GARIN5A: variants seen among roughly 807,000 people sequenced by gnomAD.
GARIN5A encodes the protein Golgi-associated RAB2 interactor protein 5A.
At chr19:50,471,186 A>G in the GARIN5A span, among the ~76,000 whole-genome samples, 1 of 152,066 alleles carries the variant, frequency 6.6e-6, no homozygotes, top group Non-Finnish European at 1.5e-5. Context: ...GCTGGTCTCC[A>G]ACTCCTGGGC....
chr19:50,474,079 T>G, the GARIN5A span, among the ~76,000 whole-genome samples: 1 of 152,208 alleles, frequency 6.6e-6, no homozygotes, highest in Non-Finnish European at 1.5e-5. Context: ...GGCAGGAGCC[T>G]TGGGTGAGAA....
chr19:50,474,346 A>ATT, the GARIN5A span, among the ~76,000 whole-genome samples: 4 of 124,374 alleles, frequency 3.2e-5, no homozygotes, highest in African/African-American at 6.0e-5. Context: ...CACCTGGCTA[A>ATT]TTTTTTTTTT....
chr19:50,472,762 G>C, the GARIN5A span, among the ~76,000 whole-genome samples: 2,003 of 152,124 alleles, frequency 0.013, 50 homozygotes, highest in African/African-American at 0.046. Context: ...AGGTGTGGGT[G>C]GTGCACACCT....
chr19:50,472,502 A>G, the GARIN5A span, among the ~76,000 whole-genome samples: 1 of 152,032 alleles, frequency 6.6e-6, no homozygotes, highest in Admixed American at 6.6e-5. Flanking sequence ...AGCTTATGAG[A>G]GGGTCATAGC....
chr19:50,468,540 C>T, the GARIN5A span, among the ~76,000 whole-genome samples: 8 of 151,994 alleles, frequency 5.3e-5, no homozygotes, highest in South Asian at 2.1e-4. Flanking sequence ...ATCTTGGAGT[C>T]GCTGTGGACT....
chr19:50,476,819 G>T, the GARIN5A span: 1 of 543,326 alleles, frequency 1.8e-6, no homozygotes, highest in Non-Finnish European at 3.2e-6. Flanking sequence ...CGCAGGAGGG[G>T]CCTCGCCAGT....
chr19:50,468,301 G>T, the GARIN5A span, among the ~76,000 whole-genome samples: 5 of 147,110 alleles, frequency 3.4e-5, no homozygotes, highest in African/African-American at 1.3e-4. Context: ...GGCGGAGGTT[G>T]CAGTGAGCCG....
the GARIN5A span, chr19:50,475,596 A>C: frequency 1.2e-6 from 1 of 829,716 alleles, no homozygotes; most frequent in Non-Finnish European, 1.9e-6. Context: ...ATATCTTGAA[A>C]TTAAAGTTCA....
chr19:50,467,226 G>A, the GARIN5A span, among the ~76,000 whole-genome samples: 1 of 152,072 alleles, frequency 6.6e-6, no homozygotes, highest in Non-Finnish European at 1.5e-5. Flanking sequence ...GGTATGTCAC[G>A]GGGAGAGGGG....
chr19:50,473,900 T>C, the GARIN5A span, among the ~76,000 whole-genome samples: 1 of 151,954 alleles, frequency 6.6e-6, no homozygotes, highest in Non-Finnish European at 1.5e-5. Flanking sequence ...GGCAGGAGAA[T>C]TGCTTGAACC....
At chr19:50,474,764 G>C in the GARIN5A span, among the ~76,000 whole-genome samples, 3 of 151,866 alleles carry the variant, frequency 2.0e-5, no homozygotes, top group African/African-American at 7.3e-5. Context: ...TGGGATTACA[G>C]GTGTGGGCCA....
At chr19:50,472,266 TA>T in the GARIN5A span, among the ~76,000 whole-genome samples, 1 of 132,606 alleles carries the variant, frequency 7.5e-6, no homozygotes, top group Non-Finnish European at 1.6e-5. Flanking sequence ...TATGTGTGTA[TA>T]TATGTATATA....
chr19:50,476,639 C>A, the GARIN5A span: 1 of 1,544,032 alleles, frequency 6.5e-7, no homozygotes, highest in East Asian at 2.4e-5. Context: ...GGCTGCCGGG[C>A]CGGGACTGGT....
the GARIN5A span, among the ~76,000 whole-genome samples, chr19:50,474,870 A>G: frequency 6.6e-6 from 1 of 152,182 alleles, no homozygotes; most frequent in East Asian, 1.9e-4. Flanking sequence ...CATGAGATCC[A>G]CAATCATGAC....
At chr19:50,467,742 G>A in the GARIN5A span, 2 of 1,609,536 alleles carry the variant, frequency 1.2e-6, no homozygotes, top group Non-Finnish European at 1.7e-6. Flanking sequence ...GCTGCAAGTA[G>A]AAGGTGCGGC....
chr19:50,472,156 A>C, the GARIN5A span, among the ~76,000 whole-genome samples: 116 of 150,050 alleles, frequency 7.7e-4, 4 homozygotes, highest in African/African-American at 2.7e-3. Flanking sequence ...ACGTGTGTAT[A>C]TGTATGTATA....
At chr19:50,476,058 G>A in the GARIN5A span, 9 of 1,607,086 alleles carry the variant, frequency 5.6e-6, no homozygotes, top group African/African-American at 1.3e-5. Context: ...AGATGCCCCC[G>A]AATTGCCGGC....
the GARIN5A span, among the ~76,000 whole-genome samples, chr19:50,470,241 C>T: frequency 5.9e-5 from 9 of 152,288 alleles, no homozygotes; most frequent in African/African-American, 1.7e-4. Flanking sequence ...AGGCTGTGCA[C>T]GGTGGCTCAG....
At chr19:50,476,313 A>G in the GARIN5A span, 2 of 1,593,766 alleles carry the variant, frequency 1.3e-6, no homozygotes, top group African/African-American at 1.3e-5. Context: ...ACGTCACACA[A>G]GAGCGGGCTC....
Sources: gnomAD v4.1 joint callset for allele counts (sites outside exome capture counted in the v4.1 genomes callset) on GRCh38, gnomAD v4.1.1 for gene constraint, MANE v1.5 for transcripts, NCBI Gene and HGNC (gene_info 2026-07-23, HGNC 2026-07-21) for gene names.